The following FRMPD4 variants were observed in gnomAD, a reference collection of about 807,000 sequenced individuals.
The protein encoded by FRMPD4 is FERM and PDZ domain-containing protein 4.
FRMPD4 carries 22 observed loss-of-function variants against 94.1 expected under a neutral mutation model. The ratio of observed to expected loss-of-function variants is 0.23; its 90% CI spans 0.17 to 0.33. FRMPD4 has a LOEUF of 0.33. FRMPD4 is among the 10% of genes least tolerant of loss of function. The pLI is 1.00. For missense variants in FRMPD4, 1,111 were observed against 1,339.9 expected (o/e 0.83, Z 2.67); for synonymous variants, 631 against 548.6 (o/e 1.15, Z -2.10).
At chrX:12,472,003 A>G (rs1466059652) in intron 1 of FRMPD4, among the ~76,000 whole-genome samples, 1 of 112,750 alleles carries the variant, frequency 8.9e-6, no homozygotes, top group African/African-American at 3.2e-5. Context: ...TAGCCACAGA[A>G]TTGCACTGTC....
chrX:12,328,897 G>A (rs975575877), intron 1 of FRMPD4, among the ~76,000 whole-genome samples: 2 of 111,697 alleles, frequency 1.8e-5, no homozygotes, highest in Non-Finnish European at 3.8e-5. Context: ...TGTACTGTAG[G>A]TGCCAAGGGA....
At chrX:11,868,314 G>A (rs1345140840) in intron 2 of FRMPD4, among the ~76,000 whole-genome samples, 1 of 111,846 alleles carries the variant, frequency 8.9e-6, no homozygotes, top group Non-Finnish European at 1.9e-5. Context: ...TGGAAGGTGA[G>A]CCAAATGCTA....
rs1006907391 is a variant in FRMPD4, at chrX:11,881,126, A to G, written c.95+3108A>G. 3.6e-5 allele frequency among the ~76,000 whole-genome samples: 4 copies of G among 112,645 alleles called. No homozygotes were observed. In the Admixed American group the frequency reaches 3.8e-4, roughly 11 times the overall value. ...AATGGCTAAAATAAAAATGCTGGCA[A>G]TGCCAAATGCTGACAATTCCAAATG... On this transcript the variant is annotated intron_variant, in intron 3 of 18. Transcript: ENST00000640291.
At chrX:12,543,768 C>T (rs1329409183) in intron 2 of FRMPD4, among the ~76,000 whole-genome samples, 1 of 109,904 alleles carries the variant, frequency 9.1e-6, no homozygotes, top group Non-Finnish European at 1.9e-5. Context: ...AATCATGCTG[C>T]TATAAAAACA....
chrX:11,979,676 C>T (rs761155900), intron 3 of FRMPD4, among the ~76,000 whole-genome samples: 1 of 110,380 alleles, frequency 9.1e-6, no homozygotes, highest in Non-Finnish European at 1.9e-5. Flanking sequence ...TTGTTCCCCT[C>T]GGAAATGTCT....
intron 1 of FRMPD4, among the ~76,000 whole-genome samples, chrX:12,475,464 G>A (rs1332655882): frequency 1.8e-5 from 2 of 111,409 alleles, no homozygotes; most frequent in Admixed American, 9.5e-5. Flanking sequence ...TCTGGCCAGG[G>A]CAATCAGGCA....
chrX:11,844,514 T>G (rs2053562156), intron 1 of FRMPD4, among the ~76,000 whole-genome samples: 1 of 111,491 alleles, frequency 9.0e-6, no homozygotes, highest in African/African-American at 3.3e-5. Flanking sequence ...TTACTCTGGA[T>G]GTATCTCCTA....
chrX:12,338,877 C>G (rs1335919641), intron 1 of FRMPD4, among the ~76,000 whole-genome samples: 1 of 112,685 alleles, frequency 8.9e-6, no homozygotes, highest in Non-Finnish European at 1.9e-5. Flanking sequence ...CAGAGCCCAC[C>G]TTGCCTGTGT....
intron 3 of FRMPD4, among the ~76,000 whole-genome samples, chrX:12,117,302 T>C (rs1323832652): frequency 9.0e-6 from 1 of 111,492 alleles, no homozygotes; most frequent in African/African-American, 3.3e-5. Context: ...ATCTTTAAAA[T>C]TTCAATAGTT....
At chrX:12,605,681 G>A (rs1250640296) in intron 2 of FRMPD4, among the ~76,000 whole-genome samples, 1 of 110,617 alleles carries the variant, frequency 9.0e-6, no homozygotes, top group Non-Finnish European at 1.9e-5. Context: ...ATTGTTCCTG[G>A]GCAGGTTCAC....
Position 12,718,306 on chromosome X carries a change from C to G in FRMPD4, c.3480C>G (p.Ala1160=), listed in dbSNP as rs367604719. ...CTGACGTGACCTGTGCATCTTCAGC[C>G]AAAGACTTAGATAACCCAGAGGACG... is the stretch of plus-strand genomic sequence containing the variant. The part of the protein sequence containing the change: ...FLTDVTCASS[A]KDLDNPEDAD... The change falls in exon 16 of 17, where the codon GCC becomes GCG. Residue 1160 remains alanine (A), a synonymous_variant. Transcript: ENST00000675598. 6 of 1,209,497 alleles carry G rather than the reference C, an allele frequency of 5.0e-6. No homozygotes were observed. In the African/African-American group the frequency reaches 5.2e-5, roughly 11 times the overall value.
At position 12,138,703 on chromosome X, in the gene FRMPD4, C is replaced by T; in HGVS notation, c.-269C>T. On this transcript the variant is annotated 5_prime_UTR_variant, in exon 1 of 17. Transcript: ENST00000675598. The stretch of plus-strand genomic sequence containing the variant: ...CGCTCCCCGCCCCCGCCTCTTGCGC[C>T]CTGCCTGGCTCCCTCTCCATTGAGT... 1 of 302,038 alleles carries T rather than the reference C, an allele frequency of 3.3e-6. No individual in the cohort carries two copies. 24.9% of individuals were successfully genotyped at this position (302,038 alleles called of 1,213,427 possible).
At chrX:12,495,030 T>C in intron 1 of FRMPD4, 1 of 729,512 alleles carries the variant, frequency 1.4e-6, no homozygotes, top group Non-Finnish European at 1.6e-6. Context: ...CCGGTGGAAA[T>C]GGACACTGTG....
chrX:12,399,612 A>G (rs750643627), intron 1 of FRMPD4, among the ~76,000 whole-genome samples: 75 of 112,158 alleles, frequency 6.7e-4, no homozygotes, highest in Non-Finnish European at 7.5e-5. Context: ...AAAGTAAGCT[A>G]GAAAAAAGAA....
chrX:12,294,741 A>G (rs1055186849), intron 1 of FRMPD4, among the ~76,000 whole-genome samples: 1 of 111,458 alleles, frequency 9.0e-6, no homozygotes, highest in Non-Finnish European at 1.9e-5. Flanking sequence ...AGTCATTGCT[A>G]TATCCCCACT....
intron 2 of FRMPD4, among the ~76,000 whole-genome samples, chrX:12,606,750 C>T (rs1182624301): frequency 8.9e-6 from 1 of 111,755 alleles, no homozygotes; most frequent in Non-Finnish European, 1.9e-5. Flanking sequence ...TCCTTCTTCC[C>T]TCTCTCCCTT....
intron 3 of FRMPD4, among the ~76,000 whole-genome samples, chrX:12,020,371 G>A (rs920886138): frequency 8.9e-6 from 1 of 112,192 alleles, no homozygotes; most frequent in Admixed American, 9.4e-5. Flanking sequence ...ACCAGTCATT[G>A]TAGGTGTTTC....
At chrX:12,198,857 A>G (rs2056596670) in intron 1 of FRMPD4, among the ~76,000 whole-genome samples, 1 of 112,466 alleles carries the variant, frequency 8.9e-6, no homozygotes, top group African/African-American at 3.2e-5. Context: ...AAGAACGTAG[A>G]AAGGACAAGT....
chrX:12,467,919 A>G lies in FRMPD4; in HGVS notation c.42-30761A>G, dbSNP rs186656705. Among the ~76,000 whole-genome samples the G allele has an allele frequency of 2.6e-4, 29 of 112,084 alleles. No individual in the cohort carries two copies. In the East Asian group the frequency reaches 7.6e-3, roughly 29 times the overall value. On this transcript the variant is annotated intron_variant, in intron 1 of 16. Coordinates refer to ENST00000675598, the MANE Select transcript of FRMPD4 (RefSeq NM_001368397.1). ...AAAAGATCAAAAATATTAATAGAAC[A>G]GAGTAACTCCTGGTTTCATCTGGGT...
Sources: gnomAD v4.1 joint callset for allele counts (sites outside exome capture counted in the v4.1 genomes callset) on GRCh38, gnomAD v4.1.1 for gene constraint, MANE v1.5 for transcripts, NCBI Gene and HGNC (gene_info 2026-07-23, HGNC 2026-07-21) for gene names.